Variants in KCND2 observed in about 807,000 individuals in gnomAD.
KCND2 encodes potassium voltage-gated channel subfamily D member 2.
A neutral mutation model predicts 54.4 loss-of-function variants in KCND2; 16 were observed. The observed-to-expected ratio is 0.29, with a 90% confidence interval of 0.20 to 0.45. The LOEUF is 0.45. Ranked by LOEUF, KCND2 falls within the 20% of genes least tolerant of loss-of-function variation. KCND2 has a pLI of 1.00. For synonymous variants in KCND2, 317 were observed against 310.7 expected, an observed-to-expected ratio of 1.02 and a Z score of -0.21; for missense variants, 486 against 824.2, an observed-to-expected ratio of 0.59 and a Z score of 5.02.
chr7:120,546,106 A>T (rs1483622302), intron 1 of KCND2, among the ~76,000 whole-genome samples: 1 of 151,988 alleles, frequency 6.6e-6, no homozygotes, highest in East Asian at 1.9e-4. Context: ...TTTCCTAATT[A>T]TATTGAAAAG....
At chr7:120,490,289 A>G (rs879432312) in intron 1 of KCND2, among the ~76,000 whole-genome samples, 2 of 152,146 alleles carry the variant, frequency 1.3e-5, no homozygotes, top group African/African-American at 2.4e-5. Context: ...TCACTATACA[A>G]CTATACCATT....
chr7:120,621,918 CT>C (rs1410089210), intron 1 of KCND2, among the ~76,000 whole-genome samples: 1 of 151,898 alleles, frequency 6.6e-6, no homozygotes, highest in African/African-American at 2.4e-5. Flanking sequence ...CCAGGTACCC[CT>C]GATAGGTCTG....
chr7:120,362,974 G>A (rs1460471466), intron 1 of KCND2, among the ~76,000 whole-genome samples: 2 of 151,994 alleles, frequency 1.3e-5, no homozygotes, highest in Admixed American at 1.3e-4. Context: ...AGAGAAGAGA[G>A]TGATAATGTC....
intron 1 of KCND2, among the ~76,000 whole-genome samples, chr7:120,564,385 C>T (rs1202236787): frequency 6.6e-6 from 1 of 152,126 alleles, no homozygotes; most frequent in Non-Finnish European, 1.5e-5. Flanking sequence ...CTGCAGAAAA[C>T]TACAATAGTA....
intron 1 of KCND2, among the ~76,000 whole-genome samples, chr7:120,717,342 T>C (rs1462212512): frequency 1.3e-5 from 2 of 152,120 alleles, no homozygotes; most frequent in African/African-American, 2.4e-5. Context: ...AGAAGGTTAA[T>C]TCATGACTCA....
intron 2 of KCND2, among the ~76,000 whole-genome samples, chr7:120,741,047 TA>T (rs74914740): frequency 0.022 from 3,002 of 136,468 alleles, 37 homozygotes; most frequent in Middle Eastern, 0.048. Flanking sequence ...TAATGATTCT[TA>T]AAAAAAAAAA....
chr7:120,279,841 AAT>A (rs1799237164), intron 1 of KCND2, among the ~76,000 whole-genome samples: 5 of 151,908 alleles, frequency 3.3e-5, no homozygotes, highest in African/African-American at 9.7e-5. Context: ...ATTATGTTAT[AAT>A]TATATATTAT....
intron 1 of KCND2, among the ~76,000 whole-genome samples, chr7:120,545,511 G>T (rs939360751): frequency 6.6e-6 from 1 of 152,002 alleles, no homozygotes; most frequent in African/African-American, 2.4e-5. Context: ...TCTTGAAGAT[G>T]AAATAGATCC....
Position 120,712,371 on chromosome 7 carries a change from C to T in KCND2, c.1116-20532C>T, listed in dbSNP as rs1792552148. On this transcript the variant is annotated intron_variant, in intron 1 of 5. Coordinates refer to ENST00000331113, the MANE Select transcript of KCND2 (RefSeq NM_012281.3). The stretch of plus-strand genomic sequence containing the variant: ...CTCTGCCTCCCCAGTTCAAGTGATT[C>T]TCCTGCCTCAGCTTCCCAAGTAGCT... Among the ~76,000 whole-genome samples the T allele has an allele frequency of 1.4e-5, 2 of 141,438 alleles. 1 individual carries two copies. The highest frequency in any genetic ancestry group is 4.7e-4 in the South Asian group (2 of 4,282). 92.8% of individuals were successfully genotyped at this position (141,438 alleles called of 152,430 possible).
rs1330946984 is a variant in KCND2 at position 120,567,115 on chromosome 7, G to T, written c.1116-165788G>T. ...CTTATGAAAGAATCCCCATGTTCCT[G>T]CTCCTGTGGTGCTTATCAACGTTCA... On this transcript the variant is annotated intron_variant, in intron 1 of 5. Coordinates refer to ENST00000331113, the MANE Select transcript of KCND2 (RefSeq NM_012281.3). 4.6e-5 allele frequency among the ~76,000 whole-genome samples: 7 copies of T among 152,090 alleles called. No individual in the cohort carries two copies. In the East Asian group the frequency reaches 1.3e-3, roughly 29 times the overall value.
At chr7:120,293,062 C>A (rs1412881843) in intron 1 of KCND2, among the ~76,000 whole-genome samples, 1 of 151,836 alleles carries the variant, frequency 6.6e-6, no homozygotes, top group African/African-American at 2.4e-5. Context: ...TGCTATAAAA[C>A]CTTTCTGTTC....
In KCND2 at chr7:120,460,815, G is replaced by A. The variant is rs77981513; in HGVS notation, c.1115+185068G>A. On this transcript the variant is annotated intron_variant, in intron 1 of 5. Coordinates refer to ENST00000331113, the MANE Select transcript of KCND2 (RefSeq NM_012281.3). ...TCTTTCTATCTAAACAAAAAGAAAC[G>A]CGTGGAAGACAAAAAGATCTAAGAG... Among the ~76,000 whole-genome samples, 385 of 152,038 alleles carry A rather than the reference G, an allele frequency of 2.5e-3. 3 individuals carry two copies. The highest frequency in any genetic ancestry group is 0.016 in the East Asian group (81 of 5,170).
At chr7:120,581,060 GA>G (rs1173837446) in intron 1 of KCND2, among the ~76,000 whole-genome samples, 8 of 152,154 alleles carry the variant, frequency 5.3e-5, no homozygotes, top group Non-Finnish European at 1.2e-4. Flanking sequence ...GATTCAAGTG[GA>G]AATTGAAACT....
intron 1 of KCND2, among the ~76,000 whole-genome samples, chr7:120,443,480 CTA>C (rs1801973402): frequency 6.6e-6 from 1 of 151,862 alleles, no homozygotes; most frequent in African/African-American, 2.4e-5. Context: ...AATTTCCTTA[CTA>C]TTTATTCTCG....
chr7:120,618,887 A>C (rs1793062465), intron 1 of KCND2, among the ~76,000 whole-genome samples: 1 of 152,086 alleles, frequency 6.6e-6, no homozygotes, highest in African/African-American at 2.4e-5. Context: ...TGTGTTGCAC[A>C]GGCTAGATTT....
In KCND2 at chr7:120,358,201, G is replaced by A. The variant is rs572538881; in HGVS notation, c.1115+82454G>A. On this transcript the variant is annotated intron_variant, in intron 1 of 5. Coordinates refer to ENST00000331113, the MANE Select transcript of KCND2 (RefSeq NM_012281.3). ...AATACTTATTAGGAATTAGCAAGGT[G>A]TGTATAACAGGTGAATAAGATGTGT... Among the ~76,000 whole-genome samples the A allele has an allele frequency of 8.5e-5, 13 of 152,280 alleles. No homozygotes were observed. The East Asian group carries it at 2.3e-3, about 27-fold the overall frequency.
intron 1 of KCND2, among the ~76,000 whole-genome samples, chr7:120,509,518 C>A (rs1299789767): frequency 6.6e-6 from 1 of 152,020 alleles, no homozygotes; most frequent in East Asian, 1.9e-4. Flanking sequence ...GGTTGAATTG[C>A]CATTTAAATT....
chr7:120,386,144 G>A (rs576677681), intron 1 of KCND2, among the ~76,000 whole-genome samples: 5 of 152,230 alleles, frequency 3.3e-5, no homozygotes, highest in African/African-American at 1.2e-4. Flanking sequence ...CATTTGTATA[G>A]TGCATTATTT....
intron 1 of KCND2, among the ~76,000 whole-genome samples, chr7:120,625,104 A>T (rs765260446): frequency 2.2e-4 from 34 of 152,282 alleles, no homozygotes; most frequent in Non-Finnish European, 3.1e-4. Context: ...TGTAGTATTA[A>T]CATCTGACTA....
Sources: gnomAD v4.1 joint callset for allele counts (sites outside exome capture counted in the v4.1 genomes callset) on GRCh38, gnomAD v4.1.1 for gene constraint, MANE v1.5 for transcripts, NCBI Gene and HGNC (gene_info 2026-07-23, HGNC 2026-07-21) for gene names.